DMD: variants seen among roughly 807,000 people sequenced by gnomAD.
DMD encodes the protein mutant dystrophin.
Under a neutral mutation model 330.1 loss-of-function variants are expected in DMD, and 63 were observed. The observed-to-expected ratio is 0.19, with a 90% CI of 0.16 to 0.24. DMD has a LOEUF of 0.24. Ranked by LOEUF, DMD falls within the 10% of genes least tolerant of loss-of-function variation. DMD has a pLI of 1.00. For synonymous variants in DMD, 1,223 were observed against 959.8 expected (o/e 1.27, Z -5.07); for missense variants, 3,344 against 2,684.1 (o/e 1.25, Z -5.43).
At chrX:31,589,284 C>A (rs2076759092) in intron 55 of DMD, among the ~76,000 whole-genome samples, 1 of 111,074 alleles carries the variant, frequency 9.0e-6, no homozygotes, top group African/African-American at 3.3e-5. Flanking sequence ...CAACCCATCT[C>A]TTAGGTCTCC....
chrX:32,196,966 G>GCC (rs1390324015), intron 44 of DMD, among the ~76,000 whole-genome samples: 8 of 76,591 alleles, frequency 1.0e-4, no homozygotes, highest in East Asian at 4.3e-4. Flanking sequence ...AGCCTGGGGT[G>GCC]ACAGAGCGAG....
At chrX:32,045,340 T>TG (rs2096055927) in intron 44 of DMD, among the ~76,000 whole-genome samples, 1 of 73,720 alleles carries the variant, frequency 1.4e-5, no homozygotes, top group Non-Finnish European at 2.6e-5. Context: ...TTGAGCGATC[T>TG]GTTTTGTTTT....
At chrX:33,067,314 A>G (rs1241646909) in intron 1 of DMD, among the ~76,000 whole-genome samples, 3 of 112,405 alleles carry the variant, frequency 2.7e-5, no homozygotes, top group East Asian at 5.6e-4. Flanking sequence ...CCGAATGATT[A>G]TAAAAGCCTT....
intron 2 of DMD, among the ~76,000 whole-genome samples, chrX:32,919,915 T>C (rs1366648955): frequency 1.8e-5 from 2 of 111,785 alleles, no homozygotes; most frequent in Non-Finnish European, 3.8e-5. Flanking sequence ...AAGTTAAATC[T>C]CTCTGTAAAG....
At chrX:32,317,600 A>G (rs1421296431) in intron 41 of DMD, among the ~76,000 whole-genome samples, 2 of 111,506 alleles carry the variant, frequency 1.8e-5, no homozygotes, top group Non-Finnish European at 3.8e-5. Flanking sequence ...GTTTTCCTCC[A>G]TGATTTAAAA....
chrX:32,816,235 C>A (rs2077748796), intron 6 of DMD, among the ~76,000 whole-genome samples: 1 of 111,916 alleles, frequency 8.9e-6, no homozygotes, highest in South Asian at 3.7e-4. Context: ...ACTATAACCA[C>A]TTTCACGCTC....
At chrX:32,364,433 AG>A (rs1310852072) in intron 36 of DMD, 148 bp downstream of exon 36, 7 of 634,394 alleles carry the variant, frequency 1.1e-5, no homozygotes, top group Non-Finnish European at 1.2e-5. Context: ...TTCCATTCAA[AG>A]GGGGAAGGAA....
rs193210553 is a variant in DMD, at chrX:31,886,834, T to A, written c.6913-11461A>T. 3.0e-3 allele frequency among the ~76,000 whole-genome samples: 332 copies of A among 111,977 alleles called. 2 individuals are homozygous for A. Among genetic ancestry groups the A allele is most frequent in the African/African-American group, 9.2e-3 (284 of 30,871 alleles). On this transcript the variant is annotated intron_variant, in intron 47 of 78. Transcript: ENST00000357033. ...TTTTACTTTTAAAATTTCAAAAAAA[T>A]TTTCTGCAATGAATATGTGCTTCTT...
At chrX:33,122,874 G>A (rs1270695178) in intron 1 of DMD, among the ~76,000 whole-genome samples, 1 of 111,735 alleles carries the variant, frequency 8.9e-6, no homozygotes, top group Non-Finnish European at 1.9e-5. Flanking sequence ...TTGACTGGCT[G>A]GAAAAACATC....
intron 52 of DMD, among the ~76,000 whole-genome samples, chrX:31,683,185 A>T (rs907610660): frequency 9.0e-6 from 1 of 111,432 alleles, no homozygotes; most frequent in Middle Eastern, 4.2e-3. Flanking sequence ...TAGGCTAGAG[A>T]CTCACTCAAT....
intron 45 of DMD, among the ~76,000 whole-genome samples, chrX:31,965,307 CT>C (rs2095341752): frequency 9.0e-6 from 1 of 111,630 alleles, no homozygotes; most frequent in Non-Finnish European, 1.9e-5. Flanking sequence ...CCTTGGACTT[CT>C]TTGGCAATCT....
intron 1 of DMD, among the ~76,000 whole-genome samples, chrX:33,135,033 A>T (rs1430141094): frequency 8.9e-6 from 1 of 111,886 alleles, no homozygotes; most frequent in Non-Finnish European, 1.9e-5. Flanking sequence ...ATCTTCTTAA[A>T]ACACTAGTTT....
intron 44 of DMD, among the ~76,000 whole-genome samples, chrX:32,048,627 GTACT>G (rs1247420696): frequency 9.2e-6 from 1 of 109,167 alleles, no homozygotes; most frequent in Non-Finnish European, 1.9e-5. Context: ...TTTTTTCATC[GTACT>G]TTTAATCTGA....
chrX:32,042,190 T>TACAC (rs201543879), intron 44 of DMD, among the ~76,000 whole-genome samples: 2,947 of 82,912 alleles, frequency 0.036, 135 homozygotes, highest in African/African-American at 0.12. Flanking sequence ...TACATACATA[T>TACAC]ACACACACAC....
At chrX:33,191,207 C>A (rs1159581593) in intron 1 of DMD, among the ~76,000 whole-genome samples, 1 of 104,069 alleles carries the variant, frequency 9.6e-6, no homozygotes, top group East Asian at 3.1e-4. Flanking sequence ...TGGGATATAA[C>A]TGCAACCCTC....
intron 63 of DMD, among the ~76,000 whole-genome samples, chrX:31,230,779 G>C (rs2047122896): frequency 8.9e-6 from 1 of 112,117 alleles, no homozygotes; most frequent in African/African-American, 3.2e-5. Context: ...TGAAATAAAA[G>C]ATAGCACAAA....
intron 29 of DMD, among the ~76,000 whole-genome samples, chrX:32,417,003 G>A (rs1158190844): frequency 8.9e-6 from 1 of 111,976 alleles, no homozygotes; most frequent in Non-Finnish European, 1.9e-5. Context: ...ACTGGTGGGT[G>A]TATATCATTT....
chrX:32,325,573 C>G (rs1191306925), intron 41 of DMD, among the ~76,000 whole-genome samples: 1 of 111,719 alleles, frequency 9.0e-6, no homozygotes, highest in South Asian at 3.7e-4. Flanking sequence ...CATTTTGAAA[C>G]AATTTCACAT....
chrX:32,102,726 A>C (rs1201103073), intron 44 of DMD, among the ~76,000 whole-genome samples: 1 of 111,541 alleles, frequency 9.0e-6, no homozygotes. Flanking sequence ...CTCAATTGGC[A>C]ATGGAGCTGA....
Sources: allele counts gnomAD v4.1 joint callset (sites outside exome capture counted in the v4.1 genomes callset), GRCh38; gene constraint gnomAD v4.1.1; transcripts MANE v1.5; gene names NCBI Gene and HGNC (gene_info 2026-07-23, HGNC 2026-07-21).